Variants in PRR35 observed in about 807,000 individuals in gnomAD.
PRR35 encodes proline-rich protein 35.
Under a neutral mutation model 18.6 loss-of-function variants are expected in PRR35, and 14 were observed. The observed-to-expected ratio is 0.75, with a 90% CI of 0.50 to 1.18. The LOEUF is 1.18. Among genes scored for constraint, PRR35 ranks in the 50% most tolerant of loss-of-function variants. PRR35 has a pLI of 0.00. For missense variants in PRR35, 832 were observed against 792.2 expected (o/e 1.05, Z -0.60); for synonymous variants, 425 against 378.2 (o/e 1.12, Z -1.43).
chr16:565,109 T>C lies in PRR35; in HGVS notation c.1518T>C (p.Pro506=). ...CCGAGCCACCCGGCATGCTGGGCCC[T>C]GCAGCGCCCCAACCCTTCTCTGGCC... ...GTPEPPGMLG[P]AAPQPFSGHT... is the part of the protein sequence containing the mutation. The change falls in exon 3 of 3, where the codon CCT becomes CCC. Residue 506 remains proline (P), a synonymous_variant. Coordinates refer to ENST00000409413, the MANE Select transcript of PRR35 (RefSeq NM_145270.3). 1.2e-6 allele frequency: 2 copies of C among 1,600,024 alleles called. No homozygotes were observed.
intron 1 of PRR35, among the ~76,000 whole-genome samples, chr16:560,934 C>CGG (rs59225364): frequency 1.0e-3 from 133 of 131,022 alleles, no homozygotes; most frequent in South Asian, 6.5e-3. Context: ...CCTGCGTTCC[C>CGG]GGGGGGGGGG....
chr16:563,324 G>A lies in PRR35; in HGVS notation c.30G>A (p.Val10=), dbSNP rs748004247. 6.2e-7 allele frequency: 1 copy of A among 1,610,784 alleles called. No individual in the cohort carries two copies. Among genetic ancestry groups the A allele is most frequent in the South Asian group, 1.1e-5 (1 of 91,028 alleles). ...CGCGGGAGGCGGGCTCATGCCGCGT[G>A]GGCACAGGGGCGAGGGCGCGGTCTC... The part of the protein sequence containing the change: MSREAGSCR[V]GTGARARSRK... The change falls in exon 2 of 3, where the codon GTG becomes GTA. Residue 10 remains valine (V), a synonymous_variant. Coordinates refer to ENST00000409413, the MANE Select transcript of PRR35 (RefSeq NM_145270.3).
Position 564,729 on chromosome 16 carries a change from CCT to C in PRR35, c.1139_1140del (p.Pro380ArgfsTer6). On this transcript the variant is annotated frameshift_variant, in exon 3 of 3. Coordinates refer to ENST00000409413, the MANE Select transcript of PRR35 (RefSeq NM_145270.3). LOFTEE classifies it low-confidence loss of function (END_TRUNC). ...LWPEDGDPGG[P>X]ETPGPEGPLP... The stretch of plus-strand genomic sequence containing the variant: ...GCCTGAGGACGGGGATCCAGGCGGC[CCT>C]GAGACCCCCGGCCCTGAGGGCCCCC... 6.5e-7 allele frequency: 1 copy of C among 1,534,238 alleles called. No homozygotes were observed. The highest frequency in any genetic ancestry group is 8.7e-7 in the Non-Finnish European group (1 of 1,146,560).
At chr16:563,087 C>T (rs968853794) in intron 1 of PRR35, among the ~76,000 whole-genome samples, 169 bp from the exon 2 acceptor site, 3 of 141,292 alleles carry the variant, frequency 2.1e-5, no homozygotes, top group South Asian at 2.5e-4. Context: ...TGGAAGTGCA[C>T]GTGGGGAGGA....
rs1457406463 is a variant in PRR35, at chr16:563,644, T to C, written c.350T>C (p.Val117Ala). Residue 117 changes from valine to alanine, a missense_variant, in exon 2 of 3, where the codon GTG becomes GCG. By Grantham distance (64) the Val-to-Ala change is moderately conservative. Transcript: ENST00000409413. ...PTGAAPAPDL[V>A]VADIHSLHCG... ...GGTGCTGCCCCCGCGCCTGACCTCGTGGTCGCCGACATCCACTCCCTGCAC... is the reference window on the plus strand; with the variant it reads ...GGTGCTGCCCCCGCGCCTGACCTCGCGGTCGCCGACATCCACTCCCTGCAC... 1.9e-6 allele frequency: 3 copies of C among 1,577,558 alleles called. No homozygotes were observed. The South Asian group carries it at 3.4e-5, about 18-fold the overall frequency.
At position 560,508 on chromosome 16, in the gene PRR35, TCA is replaced by T; in HGVS notation, c.-192_-191del. 6 of 982,392 alleles carry T rather than the reference TCA, an allele frequency of 6.1e-6. No individual in the cohort carries two copies. The highest frequency in any genetic ancestry group is 7.2e-6 in the Non-Finnish European group (6 of 828,754). 60.9% of individuals were successfully genotyped at this position (982,392 alleles called of 1,614,324 possible). A position where few individuals can be genotyped will look rare whatever the true frequency, so the allele number is the denominator to read the frequency against. ...GAGGTCCGGCTCCCGGCGCCGGGCC[TCA>T]GTTTCCCCCACGGGAGCCGCATCCC... On this transcript the variant is annotated 5_prime_UTR_variant, in exon 1 of 3. Transcript: ENST00000409413.
Position 563,813 on chromosome 16 carries a change from G to C in PRR35, c.519G>C (p.Val173=). The C allele has an allele frequency of 1.3e-6, 2 of 1,499,718 alleles. No individual in the cohort carries two copies. The highest frequency in any genetic ancestry group is 1.8e-6 in the Non-Finnish European group (2 of 1,122,514). 92.9% of individuals were successfully genotyped at this position (1,499,718 alleles called of 1,614,324 possible). ...GGATGGGAGGGGACCCAAGGGGCGT[G>C]GGTGCGGGGGACATGGCCTCAGCAG... ...KPGMGGDPRG[V]GAGDMASAGP... The change falls in exon 2 of 3, where the codon GTG becomes GTC. Residue 173 remains valine, a synonymous_variant. Coordinates refer to ENST00000409413, the MANE Select transcript of PRR35 (RefSeq NM_145270.3).
In PRR35 at chr16:564,911, G is replaced by C; in HGVS notation, c.1320G>C (p.Leu440=). 6.3e-7 allele frequency: 1 copy of C among 1,596,440 alleles called. No homozygotes were observed. The highest frequency in any genetic ancestry group is 1.1e-5 in the South Asian group (1 of 89,072). The change falls in exon 3 of 3, where the codon CTG becomes CTC. Residue 440 remains leucine (L), a synonymous_variant. Transcript: ENST00000409413. The part of the protein sequence containing the change: ...GLAPRPLREQ[L]GKIRLELLTI... The stretch of plus-strand genomic sequence containing the variant: ...CCCCGAGACCCCTGCGGGAGCAGCT[G>C]GGCAAGATCCGCCTGGAGCTGCTCA...
In PRR35 at chr16:563,825, C is replaced by T; in HGVS notation, c.531C>T (p.Asp177=). The T allele has an allele frequency of 6.6e-7, 1 of 1,509,044 alleles. No individual in the cohort carries two copies. The highest frequency in any genetic ancestry group is 2.4e-5 in the East Asian group (1 of 41,148). The allele number at this position is 1,509,044 out of a possible 1,614,324, so 93.5% of individuals were successfully genotyped here. Reference sequence around the variant, plus strand: ...ACCCAAGGGGCGTGGGTGCGGGGGACATGGCCTCAGCAGGCCCTGAGGGCA... The same window carrying T: ...ACCCAAGGGGCGTGGGTGCGGGGGATATGGCCTCAGCAGGCCCTGAGGGCA... The part of the protein sequence containing the change: ...GGDPRGVGAG[D]MASAGPEGSV... Residue 177 remains aspartate (D), a synonymous_variant, in exon 2 of 3, where the codon GAC becomes GAT. Transcript: ENST00000409413.
rs2035488948 is a variant in PRR35 at position 564,089 on chromosome 16, C to T, written c.795C>T (p.Tyr265=). 6.4e-7 allele frequency: 1 copy of T among 1,566,262 alleles called. No individual in the cohort carries two copies. Among genetic ancestry groups the T allele is most frequent in the Non-Finnish European group, 8.6e-7 (1 of 1,163,512 alleles). ...PQRPTPAPRL[Y]YPLLLEHTLG... is the part of the protein sequence containing the mutation. The stretch of plus-strand genomic sequence containing the variant: ...GCCCCACCCCGGCCCCCCGCCTGTA[C>T]TACCCGCTGCTTCTGGAGCACACTC... Residue 265 remains tyrosine (Y), a synonymous_variant, in exon 2 of 3, where the codon TAC becomes TAT. Transcript: ENST00000409413.
In PRR35 at chr16:565,309, C is replaced by T; in HGVS notation, c.*2C>T. The T allele has an allele frequency of 2.0e-6, 3 of 1,485,484 alleles. No individual in the cohort carries two copies. Among genetic ancestry groups the T allele is most frequent in the Non-Finnish European group, 2.7e-6 (3 of 1,116,920 alleles). The allele number at this position is 1,485,484 out of a possible 1,614,324, so 92.0% of individuals were successfully genotyped here. ...AGCCCCCAGGGCGCCGAGGTCTGAC[C>T]TGCAGCGCCTGAGGTCTGACTGTCT... On this transcript the variant is annotated 3_prime_UTR_variant, in exon 3 of 3. Transcript: ENST00000409413.
At position 561,911 on chromosome 16, in the gene PRR35, G is replaced by A. The variant is rs184846829; in HGVS notation, c.-40+1250G>A. Reference sequence around the variant, plus strand: ...GGATGGGTGGTGAGTGTGTTATCACGGACAAGCAGCCGTGTTCACCGTGAT... The same window carrying A: ...GGATGGGTGGTGAGTGTGTTATCACAGACAAGCAGCCGTGTTCACCGTGAT... On this transcript the variant is annotated intron_variant, in intron 1 of 2. Transcript: ENST00000409413. The A allele has an allele frequency of 2.1e-4, 74 of 353,772 alleles. 1 individual carries two copies. The highest frequency in any genetic ancestry group is 3.2e-4 in the Admixed American group (5 of 15,526). The allele number at this position is 353,772 out of a possible 1,614,324, so 21.9% of individuals were successfully genotyped here.
chr16:564,592 G>T, intron 2 of PRR35, 82 bp from the exon 3 acceptor site: 1 of 1,432,798 alleles, frequency 7.0e-7, no homozygotes, highest in Non-Finnish European at 9.2e-7. Context: ...GGGCCACAGG[G>T]CAGAGGCCGT....
Position 562,660 on chromosome 16 carries a change from C to T in PRR35, c.-39-596C>T, listed in dbSNP as rs116259900. ...CACACAGACCCTTCCGTTGGTGTCT[C>T]ATCTCAGTGCCTTTTCCTAGGCTTT... is the stretch of plus-strand genomic sequence containing the variant. On this transcript the variant is annotated intron_variant, in intron 1 of 2. Coordinates refer to ENST00000409413, the MANE Select transcript of PRR35 (RefSeq NM_145270.3). Among the ~76,000 whole-genome samples the T allele has an allele frequency of 5.6e-3, 859 of 152,306 alleles. 9 individuals are homozygous for T. Among genetic ancestry groups the T allele is most frequent in the African/African-American group, 0.018 (768 of 41,586 alleles).
At chr16:562,855 C>T (rs1025713295) in intron 1 of PRR35, among the ~76,000 whole-genome samples, 1 of 152,156 alleles carries the variant, frequency 6.6e-6, no homozygotes, top group Non-Finnish European at 1.5e-5. Flanking sequence ...TCGGCCTGGC[C>T]TCAGGGGTGG....
In PRR35 at chr16:563,306, G is replaced by C. The variant is rs1362265051; in HGVS notation, c.12G>C (p.Glu4Asp). The change falls in exon 2 of 3, where the codon GAG (glutamate) becomes GAC (aspartate). Residue 4 changes from glutamate to aspartate, a missense_variant. By Grantham distance (45) the Glu-to-Asp change is conservative. Transcript: ENST00000409413. MSR[E>D]AGSCRVGTGA... is the part of the protein sequence containing the mutation. ...CATAGCAGGCTGCCATGTCGCGGGAGGCGGGCTCATGCCGCGTGGGCACAG... is the reference window on the plus strand; with the variant it reads ...CATAGCAGGCTGCCATGTCGCGGGACGCGGGCTCATGCCGCGTGGGCACAG... The C allele has an allele frequency of 1.2e-6, 2 of 1,607,320 alleles. No homozygotes were observed. The highest frequency in any genetic ancestry group is 1.7e-6 in the Non-Finnish European group (2 of 1,177,840).
In PRR35 at chr16:564,895, C is replaced by A; in HGVS notation, c.1304C>A (p.Pro435His). 6.3e-7 allele frequency: 1 copy of A among 1,589,160 alleles called. No homozygotes were observed. The highest frequency in any genetic ancestry group is 8.5e-7 in the Non-Finnish European group (1 of 1,172,098). ...CCCGCGGGGGGCCTGGCCCCGAGAC[C>A]CCTGCGGGAGCAGCTGGGCAAGATC... ...LGPAGGLAPR[P>H]LREQLGKIRL... Residue 435 changes from proline (P) to histidine (H), a missense_variant, in exon 3 of 3, where the codon CCC becomes CAC. By Grantham distance (77) the Pro-to-His change is moderately conservative (BLOSUM62 -2). This residue lies in a region of PRR35 where 768 missense variants were observed against 704.1 expected (regional missense o/e 1.09). Coordinates refer to ENST00000409413, the MANE Select transcript of PRR35 (RefSeq NM_145270.3).
Position 563,749 on chromosome 16 carries a change from C to G in PRR35, c.455C>G (p.Pro152Arg), listed in dbSNP as rs373880696. 4 of 1,515,978 alleles carry G rather than the reference C, an allele frequency of 2.6e-6. No individual in the cohort carries two copies. The highest frequency in any genetic ancestry group is 2.1e-5 in the Admixed American group (1 of 47,702). The allele number at this position is 1,515,978 out of a possible 1,614,324, so 93.9% of individuals were successfully genotyped here. ...GTGGCTAGGGCCACCCGGAAGGGTC[C>G]CGGCCCCAGTGGGCTCCTGCCTGAG... ...PPVARATRKGPGPSGLLPESW... is the reference protein window; with the variant it reads ...PPVARATRKGRGPSGLLPESW... The change falls in exon 2 of 3, where the codon CCC becomes CGC. Residue 152 changes from proline to arginine, a missense_variant. Physicochemically the swap from Pro to Arg is moderately radical, Grantham distance 103 (BLOSUM62 -2). Coordinates refer to ENST00000409413, the MANE Select transcript of PRR35 (RefSeq NM_145270.3).
Position 564,684 on chromosome 16 carries a change from G to T in PRR35, c.1093G>T (p.Gly365Cys). The change falls in exon 3 of 3, where the codon GGC becomes TGC. Residue 365 changes from glycine to cysteine, a missense_variant. Physicochemically the swap from Gly to Cys is radical, Grantham distance 159. Transcript: ENST00000409413. ...RFCSRSSLPT[G>C]SSVMLWPEDG... Reference sequence around the variant, plus strand: ...GCTTCCACCCCACAGCCTGCCCACCGGCTCCTCTGTGATGCTGTGGCCTGA... The same window carrying T: ...GCTTCCACCCCACAGCCTGCCCACCTGCTCCTCTGTGATGCTGTGGCCTGA... 1.3e-6 allele frequency: 2 copies of T among 1,527,598 alleles called. No individual in the cohort carries two copies. The highest frequency in any genetic ancestry group is 1.8e-6 in the Non-Finnish European group (2 of 1,142,718). 94.6% of individuals were successfully genotyped at this position (1,527,598 alleles called of 1,614,324 possible).
Sources: gnomAD v4.1 joint callset for allele counts (sites outside exome capture counted in the v4.1 genomes callset) on GRCh38, gnomAD v4.1.1 for gene constraint, gnomAD v4.1.1 regional missense constraint, MANE v1.5 for transcripts, NCBI Gene and HGNC (gene_info 2026-07-23, HGNC 2026-07-21) for gene names.